RIC1: variants seen among roughly 807,000 people sequenced by gnomAD.
RIC1 encodes the protein guanine nucleotide exchange factor subunit RIC1.
RIC1 carries 88 observed loss-of-function variants against 169.0 expected under a neutral mutation model. The ratio of observed to expected loss-of-function variants is 0.52; its 90% confidence interval spans 0.44 to 0.62. RIC1 has a LOEUF of 0.62. Among genes scored for constraint, RIC1 ranks in the 20% least tolerant of loss-of-function variants. The probability of loss-of-function intolerance (pLI) is 0.00; values close to 1 mark genes in which losing one functional copy is unlikely to be tolerated. For synonymous variants in RIC1, 790 were observed against 601.5 expected (o/e 1.31, Z -4.59); for missense variants, 1,877 against 1,725.5 (o/e 1.09, Z -1.56).
At chr9:5,652,679 T>G (rs1346840978) in intron 1 of RIC1, among the ~76,000 whole-genome samples, 1 of 134,310 alleles carries the variant, frequency 7.4e-6, no homozygotes, top group Non-Finnish European at 1.7e-5. Flanking sequence ...CCAATTAATT[T>G]GGATACTTTT....
At chr9:5,694,589 A>G (rs1821779123) in intron 3 of RIC1, among the ~76,000 whole-genome samples, 1 of 152,178 alleles carries the variant, frequency 6.6e-6, no homozygotes, top group African/African-American at 2.4e-5. Context: ...TTGCATGAGC[A>G]CTTATTAATA....
chr9:5,664,167 T>C (rs565099771), intron 2 of RIC1, among the ~76,000 whole-genome samples: 25 of 152,196 alleles, frequency 1.6e-4, no homozygotes, highest in African/African-American at 6.0e-4. Flanking sequence ...CCCAGCACTT[T>C]GGGAGGCCAA....
At chr9:5,776,873 C>T (rs12551618), downstream of RIC1, among the ~76,000 whole-genome samples, 1 of 152,016 alleles carries the variant, frequency 6.6e-6, no homozygotes, top group African/African-American at 2.4e-5. Context: ...ATAGAGGAAC[C>T]TAGGCGTCAT....
rs1474650932 is a variant in RIC1, at chr9:5,629,141, C to T, written c.-169C>T. The stretch of plus-strand genomic sequence containing the variant: ...CCCGTCAGCTTGGGGGTGCCTTCGT[C>T]GCGCAGCCTTGCGTCGGCCCGGCCC... On this transcript the variant is annotated 5_prime_UTR_variant, in exon 1 of 26. Transcript: ENST00000414202. 13 of 521,334 alleles carry T rather than the reference C, an allele frequency of 2.5e-5. No individual in the cohort carries two copies. The African/African-American group carries it at 2.6e-4, about 10-fold the overall frequency. The allele number at this position is 521,334 out of a possible 1,614,324, so 32.3% of individuals were successfully genotyped here.
At chr9:5,746,362 A>T (rs1229022251) in intron 11 of RIC1, among the ~76,000 whole-genome samples, 1 of 152,120 alleles carries the variant, frequency 6.6e-6, no homozygotes, top group Admixed American at 6.5e-5. Flanking sequence ...TTTAGTCTTT[A>T]TCTGAATAGC....
chr9:5,734,226 C>G (rs1240180843), intron 7 of RIC1, among the ~76,000 whole-genome samples: 2 of 151,854 alleles, frequency 1.3e-5, no homozygotes, highest in African/African-American at 4.8e-5. Context: ...CCTGTCTTAG[C>G]ATCCTGAGTA....
At chr9:5,652,774 G>A (rs1207523280) in intron 1 of RIC1, among the ~76,000 whole-genome samples, 1 of 151,768 alleles carries the variant, frequency 6.6e-6, no homozygotes, top group Non-Finnish European at 1.5e-5. Flanking sequence ...TAGTATCCTT[G>A]TCTTATTCCA....
At position 5,647,936 on chromosome 9, in the gene RIC1, GGGTGGTGGT is replaced by G. The variant is rs77165192; in HGVS notation, c.145-8618_145-8610del. On this transcript the variant is annotated intron_variant, in intron 1 of 25. Transcript: ENST00000414202. The stretch of plus-strand genomic sequence containing the variant: ...GTTTTTTGTTTGTGTGTGTGGGGGT[GGGTGGTGGT>G]GGTGGTGGTGGTGGTGGTGGTGGTG... Among the ~76,000 whole-genome samples the G allele has an allele frequency of 1.8e-3, 220 of 121,292 alleles. 1 individual carries two copies. The highest frequency in any genetic ancestry group is 7.7e-3 in the Middle Eastern group (2 of 260). The allele number at this position is 121,292 out of a possible 152,430, so 79.6% of individuals were successfully genotyped here.
At chr9:5,663,270 G>C (rs889622470) in intron 2 of RIC1, among the ~76,000 whole-genome samples, 9 of 152,150 alleles carry the variant, frequency 5.9e-5, no homozygotes, top group African/African-American at 2.2e-4. Context: ...TTTAGAGTAA[G>C]TGCCTTGTGA....
intron 7 of RIC1, among the ~76,000 whole-genome samples, chr9:5,738,091 T>C (rs1387377317): frequency 6.6e-6 from 1 of 152,178 alleles, no homozygotes; most frequent in East Asian, 1.9e-4. Flanking sequence ...TCATTTTCAG[T>C]GCTGTAAGGT....
At position 5,629,179 on chromosome 9, in the gene RIC1, G is replaced by T. The variant is rs1265738404; in HGVS notation, c.-131G>T. 34 of 902,384 alleles carry T rather than the reference G, an allele frequency of 3.8e-5. No homozygotes were observed. Among genetic ancestry groups the T allele is most frequent in the African/African-American group, 5.3e-5 (3 of 56,794 alleles). 55.9% of individuals were successfully genotyped at this position (902,384 alleles called of 1,614,324 possible). ...GTCGGCCCGGCCCGGCCAGGCCAGC[G>T]GGCAGATGCCCCGAGCTGCCGCCGC... is the stretch of plus-strand genomic sequence containing the variant. On this transcript the variant is annotated 5_prime_UTR_variant, in exon 1 of 26. Coordinates refer to ENST00000414202, the MANE Select transcript of RIC1 (RefSeq NM_020829.4).
chr9:5,689,032 T>C (rs1181555878), intron 2 of RIC1, among the ~76,000 whole-genome samples: 1 of 149,176 alleles, frequency 6.7e-6, no homozygotes, highest in African/African-American at 2.5e-5. Flanking sequence ...AGCACTGTTT[T>C]TAATACAATT....
chr9:5,712,367 T>C (rs1430405249), intron 3 of RIC1, among the ~76,000 whole-genome samples: 1 of 152,194 alleles, frequency 6.6e-6, no homozygotes, highest in Non-Finnish European at 1.5e-5. Context: ...AAAGAGCTTC[T>C]GCGCAGCAAA....
At chr9:5,721,878 T>C (rs911154150) in intron 6 of RIC1, among the ~76,000 whole-genome samples, 2 of 151,994 alleles carry the variant, frequency 1.3e-5, no homozygotes, top group African/African-American at 4.8e-5. Context: ...GTTCATTTCA[T>C]CTTTTTTGTT....
chr9:5,690,153 C>A, intron 3 of RIC1, 115 bp downstream of exon 3: 1 of 570,650 alleles, frequency 1.8e-6, no homozygotes, highest in South Asian at 4.0e-5. Context: ...CCAGCATTTC[C>A]CAAATAGTAT....
chr9:5,648,184 A>G (rs541880222), intron 1 of RIC1, among the ~76,000 whole-genome samples: 3 of 152,074 alleles, frequency 2.0e-5, no homozygotes, highest in Non-Finnish European at 4.4e-5. Flanking sequence ...GGGTTTTGCC[A>G]TGTTGTTCAG....
intron 10 of RIC1, 40 bp from the exon 11 acceptor site, chr9:5,745,891 T>A (rs748526043): frequency 6.3e-7 from 1 of 1,574,812 alleles, no homozygotes; most frequent in East Asian, 2.2e-5. Context: ...AAAAGCCTTT[T>A]ATTGCTCTGA....
chr9:5,742,993 T>C lies in RIC1; in HGVS notation c.1026T>C (p.Cys342=). The change falls in exon 9 of 26, where the codon TGT becomes TGC. Residue 342 remains cysteine, a synonymous_variant. Coordinates refer to ENST00000414202, the MANE Select transcript of RIC1 (RefSeq NM_020829.4). ...GTGTTTTTGGAGCACAGCTGATTTG[T>C]ACACTTGGAGGAGATTTTGCGTAAG... ...LWSVFGAQLI[C]TLGGDFAYRS... The C allele has an allele frequency of 6.2e-7, 1 of 1,610,662 alleles. No individual in the cohort carries two copies.
At chr9:5,633,279 C>T (rs911504250) in intron 1 of RIC1, among the ~76,000 whole-genome samples, 10 of 152,132 alleles carry the variant, frequency 6.6e-5, no homozygotes, top group Admixed American at 6.5e-4. Flanking sequence ...TTTGTATTTT[C>T]CCAGCATTCC....
Sources: gnomAD v4.1 joint callset for allele counts (sites outside exome capture counted in the v4.1 genomes callset) on GRCh38, gnomAD v4.1.1 for gene constraint, MANE v1.5 for transcripts, NCBI Gene and HGNC (gene_info 2026-07-23, HGNC 2026-07-21) for gene names.